Variants in NLGN1 observed in about 807,000 individuals in gnomAD.
NLGN1 encodes neuroligin 1.
NLGN1 carries 12 observed loss-of-function variants against 65.5 expected under a neutral mutation model. That is an observed-to-expected ratio of 0.18 (90% CI 0.12 to 0.30). NLGN1 has a LOEUF of 0.30. Among genes scored for constraint, NLGN1 ranks in the 10% least tolerant of loss-of-function variants. The probability of loss-of-function intolerance (pLI) is 1.00; values close to 1 mark genes in which losing one functional copy is unlikely to be tolerated. For synonymous variants in NLGN1, 350 were observed against 359.5 expected, an observed-to-expected ratio of 0.97 and a Z score of 0.30; for missense variants, 750 against 1,007.1, an observed-to-expected ratio of 0.74 and a Z score of 3.46.
At chr3:173,668,740 C>T (rs1441041440) in intron 3 of NLGN1, among the ~76,000 whole-genome samples, 2 of 151,702 alleles carry the variant, frequency 1.3e-5, no homozygotes, top group Non-Finnish European at 2.9e-5. Flanking sequence ...GCTCATGCCT[C>T]AGCCTCCTGA....
At chr3:173,962,367 T>A (rs1472617934) in intron 4 of NLGN1, among the ~76,000 whole-genome samples, 1 of 152,106 alleles carries the variant, frequency 6.6e-6, no homozygotes, top group African/African-American at 2.4e-5. Flanking sequence ...TAAGAGGGAA[T>A]TTTACTCTCT....
intron 4 of NLGN1, among the ~76,000 whole-genome samples, chr3:174,062,897 C>A (rs1386313804): frequency 6.6e-6 from 1 of 151,826 alleles, no homozygotes; most frequent in African/African-American, 2.4e-5. Context: ...ATTTTCTTCC[C>A]TCAGTATAAC....
At chr3:173,906,807 C>A (rs1476831942) in intron 4 of NLGN1, among the ~76,000 whole-genome samples, 1 of 150,368 alleles carries the variant, frequency 6.7e-6, no homozygotes, top group African/African-American at 2.5e-5. Context: ...TATGATCGTG[C>A]CTATGATTAG....
chr3:173,585,189 G>T (rs575944093), intron 2 of NLGN1, among the ~76,000 whole-genome samples: 169 of 152,258 alleles, frequency 1.1e-3, no homozygotes, highest in Non-Finnish European at 1.9e-3. Flanking sequence ...GAGCTACCTA[G>T]ATCGAGCTAA....
At chr3:174,212,138 G>A (rs993712322) in intron 4 of NLGN1, among the ~76,000 whole-genome samples, 2 of 152,196 alleles carry the variant, frequency 1.3e-5, no homozygotes, top group African/African-American at 4.8e-5. Context: ...GCTAAGGCCC[G>A]GTGAGAAATG....
chr3:174,149,328 T>C (rs554142193), intron 4 of NLGN1, among the ~76,000 whole-genome samples: 17 of 152,240 alleles, frequency 1.1e-4, no homozygotes, highest in African/African-American at 2.6e-4. Context: ...TAGCCATTTC[T>C]CATCTCCACC....
At chr3:173,848,053 T>A (rs1726142811) in intron 4 of NLGN1, among the ~76,000 whole-genome samples, 1 of 152,222 alleles carries the variant, frequency 6.6e-6, no homozygotes, top group African/African-American at 2.4e-5. Flanking sequence ...GGGTATGATT[T>A]CTGCAGCTGT....
intron 4 of NLGN1, among the ~76,000 whole-genome samples, chr3:174,193,244 G>C (rs1732727973): frequency 6.6e-6 from 1 of 152,160 alleles, no homozygotes; most frequent in Non-Finnish European, 1.5e-5. Flanking sequence ...TATTGAGCAG[G>C]ATAATAATGC....
At chr3:174,261,316 A>C (rs1194365129) in intron 4 of NLGN1, among the ~76,000 whole-genome samples, 1 of 147,296 alleles carries the variant, frequency 6.8e-6, no homozygotes, top group Admixed American at 6.8e-5. Flanking sequence ...CCTACCCATG[A>C]GCATGGAATG....
At chr3:173,863,793 G>A (rs1345321412) in intron 4 of NLGN1, among the ~76,000 whole-genome samples, 3 of 152,222 alleles carry the variant, frequency 2.0e-5, no homozygotes, top group African/African-American at 7.2e-5. Flanking sequence ...TCCACAGAAT[G>A]ATGGTGACCA....
intron 3 of NLGN1, among the ~76,000 whole-genome samples, chr3:173,698,418 T>C (rs1766571003): frequency 6.6e-6 from 1 of 152,156 alleles, no homozygotes; most frequent in African/African-American, 2.4e-5. Flanking sequence ...CCTAAACCAT[T>C]TCATTAAATG....
intron 3 of NLGN1, among the ~76,000 whole-genome samples, chr3:173,685,493 C>T (rs534189747): frequency 6.6e-6 from 1 of 152,238 alleles, no homozygotes; most frequent in South Asian, 2.1e-4. Context: ...GGGTGATTTT[C>T]GAGGCCTTAA....
chr3:173,869,938 C>A (rs777627852), intron 4 of NLGN1, among the ~76,000 whole-genome samples: 1 of 152,106 alleles, frequency 6.6e-6, no homozygotes, highest in Non-Finnish European at 1.5e-5. Context: ...ATTGAGCACA[C>A]ATTTGAAAGA....
intron 3 of NLGN1, among the ~76,000 whole-genome samples, chr3:173,805,684 C>T (rs1345486115): frequency 1.3e-5 from 2 of 152,170 alleles, no homozygotes; most frequent in Non-Finnish European, 2.9e-5. Flanking sequence ...TCTGAAACAG[C>T]CTCCCTCTGT....
chr3:173,799,120 C>A (rs1241667336), intron 3 of NLGN1, among the ~76,000 whole-genome samples: 1 of 151,818 alleles, frequency 6.6e-6, no homozygotes, highest in Admixed American at 6.6e-5. Context: ...CTCTTTTTCC[C>A]TCCCTTTTCT....
intron 4 of NLGN1, among the ~76,000 whole-genome samples, chr3:174,159,919 A>T (rs1726175807): frequency 6.6e-6 from 1 of 151,814 alleles, no homozygotes; most frequent in African/African-American, 2.4e-5. Context: ...TAGTTGCAGC[A>T]TTAAAGCCAC....
At chr3:174,249,574 A>T (rs1744415027) in intron 4 of NLGN1, among the ~76,000 whole-genome samples, 1 of 152,186 alleles carries the variant, frequency 6.6e-6, no homozygotes, top group Non-Finnish European at 1.5e-5. Flanking sequence ...TTTCTTTGAG[A>T]TGAGTGCTCA....
intron 4 of NLGN1, among the ~76,000 whole-genome samples, chr3:174,147,301 C>T (rs1485617584): frequency 2.0e-5 from 3 of 152,018 alleles, no homozygotes; most frequent in Admixed American, 1.3e-4. Context: ...ACGGGCCCCA[C>T]CTACAGGTCT....
intron 4 of NLGN1, among the ~76,000 whole-genome samples, chr3:174,034,403 C>T (rs1472306499): frequency 6.6e-6 from 1 of 151,692 alleles, no homozygotes; most frequent in Non-Finnish European, 1.5e-5. Flanking sequence ...GAAGGAAAGA[C>T]AATGAAGGGA....
Sources: allele counts gnomAD v4.1 joint callset (sites outside exome capture counted in the v4.1 genomes callset), GRCh38; gene constraint gnomAD v4.1.1; transcripts MANE v1.5; gene names NCBI Gene and HGNC (gene_info 2026-07-23, HGNC 2026-07-21).